Variants in CDKL4 observed in about 807,000 individuals in gnomAD.
The protein encoded by CDKL4 is cyclin dependent kinase like 4.
CDKL4 carries 44 observed loss-of-function variants against 42.0 expected under a neutral mutation model. The observed-to-expected ratio is 1.05, with a 90% CI of 0.82 to 1.35. The LOEUF (loss-of-function observed/expected upper bound fraction) is 1.35. CDKL4 is among the 40% of genes most tolerant of loss of function. The pLI is 0.00. For synonymous variants in CDKL4, 120 were observed against 121.6 expected, an observed-to-expected ratio of 0.99 and a Z score of 0.09; for missense variants, 393 against 369.9, an observed-to-expected ratio of 1.06 and a Z score of -0.51.
chr2:39,229,589 C>T lies in CDKL4; in HGVS notation c.-56-1G>A. ...ATTGACTTGCAGTACAATGCTGCAC[C>T]TGGAAAATAAGGTAGACTTGCCTTA... On this transcript the variant is annotated splice_acceptor_variant, in intron 1 of 9. Transcript: ENST00000451199. LOFTEE classifies it low-confidence loss of function (5UTR_SPLICE). 5 of 1,382,240 alleles carry T rather than the reference C, an allele frequency of 3.6e-6. No homozygotes were observed. The highest frequency in any genetic ancestry group is 5.0e-6 in the Non-Finnish European group (5 of 1,008,100). The allele number at this position is 1,382,240 out of a possible 1,614,324, so 85.6% of individuals were successfully genotyped here.
At chr2:39,173,332 T>G (rs555359305), downstream of CDKL4, among the ~76,000 whole-genome samples, 1 of 152,318 alleles carries the variant, frequency 6.6e-6, no homozygotes, top group African/African-American at 2.4e-5. Context: ...CAAAGTTGCC[T>G]TTTATCTTTT....
chr2:39,217,976 G>A (rs1678039434), intron 3 of CDKL4, among the ~76,000 whole-genome samples: 1 of 151,994 alleles, frequency 6.6e-6, no homozygotes, highest in South Asian at 2.1e-4. Context: ...CAGGTGATCT[G>A]CCTGCCTCGG....
chr2:39,176,639 G>C (rs1421874498), intron 9 of CDKL4, among the ~76,000 whole-genome samples: 1 of 152,040 alleles, frequency 6.6e-6, no homozygotes, highest in Non-Finnish European at 1.5e-5. Flanking sequence ...TCATCATGTT[G>C]GCCAGGCTGG....
intron 4 of CDKL4, among the ~76,000 whole-genome samples, chr2:39,212,368 G>A (rs1677640904): frequency 6.6e-6 from 1 of 151,758 alleles, no homozygotes. Flanking sequence ...CGAGTAGCTG[G>A]GACTACAAGC....
intron 8 of CDKL4, 95 bp downstream of exon 8, chr2:39,184,496 G>T: frequency 1.4e-6 from 1 of 728,232 alleles, no homozygotes; most frequent in Non-Finnish European, 2.3e-6. Flanking sequence ...ATCCTATTTT[G>T]GCATTATTTA....
At chr2:39,244,388 G>A (rs1426897696), upstream of CDKL4, among the ~76,000 whole-genome samples, 2 of 152,232 alleles carry the variant, frequency 1.3e-5, no homozygotes, top group Non-Finnish European at 2.9e-5. Context: ...CGGCTCTGCC[G>A]ACCCCGGGCA....
intron 9 of CDKL4, among the ~76,000 whole-genome samples, chr2:39,177,528 C>A (rs1285278348): frequency 6.6e-6 from 1 of 151,920 alleles, no homozygotes; most frequent in Non-Finnish European, 1.5e-5. Flanking sequence ...CCTCAGCCCC[C>A]CAAGTAGCTG....
intron 8 of CDKL4, among the ~76,000 whole-genome samples, chr2:39,180,123 G>C (rs537166796): frequency 2.0e-5 from 3 of 152,178 alleles, no homozygotes; most frequent in African/African-American, 7.2e-5. Flanking sequence ...GCAGCTTTAA[G>C]CCAGACCTGG....
chr2:39,185,199 T>C (rs1345573519), intron 7 of CDKL4, among the ~76,000 whole-genome samples: 2 of 32,138 alleles, frequency 6.2e-5, no homozygotes, highest in South Asian at 8.3e-4. Context: ...TACATATATA[T>C]ACACATACGT....
chr2:39,241,315 C>T (rs567506798), intron 1 of CDKL4, among the ~76,000 whole-genome samples: 19 of 152,086 alleles, frequency 1.2e-4, no homozygotes, highest in East Asian at 3.9e-4. Flanking sequence ...TTGAGCAAAA[C>T]GTAAACAGTG....
At chr2:39,185,222 A>G (rs1348105388) in intron 7 of CDKL4, among the ~76,000 whole-genome samples, 2 of 23,840 alleles carry the variant, frequency 8.4e-5, no homozygotes, top group Non-Finnish European at 1.3e-4. Context: ...ATATACATAT[A>G]TACACATACG....
chr2:39,188,527 A>C (rs1160672866), intron 6 of CDKL4, among the ~76,000 whole-genome samples: 2 of 124,590 alleles, frequency 1.6e-5, no homozygotes, highest in Admixed American at 2.1e-4. Flanking sequence ...ACACCACTGC[A>C]CTCCAGCCTG....
rs574338141 is a variant in CDKL4, at chr2:39,193,445, G to A, written c.455-2943C>T. Among the ~76,000 whole-genome samples, 6 of 151,160 alleles carry A rather than the reference G, an allele frequency of 4.0e-5. No homozygotes were observed. The South Asian group carries it at 6.3e-4, about 16-fold the overall frequency. On this transcript the variant is annotated intron_variant, in intron 5 of 9. Coordinates refer to ENST00000451199, the Ensembl canonical transcript of CDKL4. ...GGCTGGAGTTCAATGGCACAATCTCGGCTCACCGCAACCTCCACCTCCCGG... is the reference window on the plus strand; with the variant it reads ...GGCTGGAGTTCAATGGCACAATCTCAGCTCACCGCAACCTCCACCTCCCGG...
At chr2:39,235,620 G>A (rs575830163) in intron 1 of CDKL4, among the ~76,000 whole-genome samples, 3 of 152,086 alleles carry the variant, frequency 2.0e-5, no homozygotes, top group Non-Finnish European at 2.9e-5. Context: ...GGTGGTACAT[G>A]CCAGTATTCC....
intron 1 of CDKL4, among the ~76,000 whole-genome samples, chr2:39,235,796 A>G (rs978437975): frequency 9.9e-5 from 15 of 152,166 alleles, no homozygotes; most frequent in African/African-American, 3.4e-4. Context: ...ACACCCCACA[A>G]TTGCTATAAT....
At chr2:39,183,765 C>G (rs1286812336) in intron 8 of CDKL4, among the ~76,000 whole-genome samples, 1 of 152,102 alleles carries the variant, frequency 6.6e-6, no homozygotes, top group East Asian at 1.9e-4. Context: ...TAGATGGCAG[C>G]TGAGGTCAGG....
chr2:39,185,219 TATATAC>T lies in CDKL4; in HGVS notation c.736-578_736-573del, dbSNP rs1558546537. ...ATATATACACATACGTATATATACA[TATATAC>T]ACATACGTATATATACATATATACA... On this transcript the variant is annotated intron_variant, in intron 7 of 9. Coordinates refer to ENST00000451199, the Ensembl canonical transcript of CDKL4. 1.4e-3 allele frequency among the ~76,000 whole-genome samples: 45 copies of T among 32,140 alleles called. 7 individuals are homozygous for T. Among genetic ancestry groups the T allele is most frequent in the East Asian group, 3.9e-3 (5 of 1,294 alleles). 21.1% of individuals were successfully genotyped at this position (32,140 alleles called of 152,430 possible). A position where few individuals can be genotyped will look rare whatever the true frequency, so the allele number is the denominator to read the frequency against.
chr2:39,220,184 A>G (rs936185785), intron 3 of CDKL4, among the ~76,000 whole-genome samples: 2 of 152,326 alleles, frequency 1.3e-5, no homozygotes, highest in South Asian at 2.1e-4. Flanking sequence ...TCATGTAACT[A>G]AGAGCACCCT....
intron 4 of CDKL4, among the ~76,000 whole-genome samples, chr2:39,208,878 C>A (rs558863210): frequency 2.1e-3 from 320 of 152,070 alleles, no homozygotes; most frequent in African/African-American, 7.4e-3. Context: ...AATTTATTCT[C>A]TTTGAGCCTT....
Sources: allele counts gnomAD v4.1 joint callset (sites outside exome capture counted in the v4.1 genomes callset), GRCh38; gene constraint gnomAD v4.1.1; transcripts MANE v1.5; gene names NCBI Gene and HGNC (gene_info 2026-07-23, HGNC 2026-07-21).